EXOC4: variants seen among roughly 807,000 people sequenced by gnomAD.
EXOC4 encodes the protein exocyst complex component 4, also known as SEC8-like 1.
In EXOC4, 71 loss-of-function variants were observed where a neutral mutation model predicts 107.2. The observed-to-expected ratio is 0.66, with a 90% CI of 0.55 to 0.81. The LOEUF is 0.81. EXOC4 is among the 30% of genes least tolerant of loss of function. The pLI, the probability that EXOC4 is intolerant of heterozygous loss-of-function variation, is 0.00. For synonymous variants in EXOC4, 456 were observed against 441.2 expected, an observed-to-expected ratio of 1.03 and a Z score of -0.42; for missense variants, 1,108 against 1,189.6, an observed-to-expected ratio of 0.93 and a Z score of 1.01.
At position 133,815,633 on chromosome 7, in the gene EXOC4, A is replaced by AT. The variant is rs543532432; in HGVS notation, c.1515-1688dup. Reference sequence around the variant, plus strand: ...TTCTGAGTTTGGCTCGGTTGCCAGCATTTTATCCTTTATTTTTTCTGTGTT... The same window carrying AT: ...TTCTGAGTTTGGCTCGGTTGCCAGCATTTTTATCCTTTATTTTTTCTGTGTT... On this transcript the variant is annotated intron_variant, in intron 10 of 17. Transcript: ENST00000253861. Among the ~76,000 whole-genome samples the AT allele has an allele frequency of 2.2e-4, 34 of 152,206 alleles. No individual in the cohort carries two copies. In the South Asian group the frequency reaches 6.8e-3, roughly 31 times the overall value.
At chr7:134,067,332 T>C (rs1796196062), downstream of EXOC4, among the ~76,000 whole-genome samples, 1 of 151,998 alleles carries the variant, frequency 6.6e-6, no homozygotes. Context: ...GGAGGGGTCC[T>C]GAGATGGGAA....
At chr7:133,652,911 T>C (rs977938419) in intron 10 of EXOC4, among the ~76,000 whole-genome samples, 1 of 152,220 alleles carries the variant, frequency 6.6e-6, no homozygotes, top group African/African-American at 2.4e-5. Flanking sequence ...GGACTTAAAA[T>C]ATCAGCCTGC....
chr7:133,736,759 C>T (rs1296961760), intron 10 of EXOC4, among the ~76,000 whole-genome samples: 2 of 152,242 alleles, frequency 1.3e-5, no homozygotes, highest in East Asian at 3.9e-4. Context: ...GGTAGTTGTT[C>T]TAATCTATGT....
chr7:133,302,408 C>G (rs1186636160), intron 3 of EXOC4, among the ~76,000 whole-genome samples: 1 of 152,114 alleles, frequency 6.6e-6, no homozygotes, highest in Non-Finnish European at 1.5e-5. Context: ...GTAGTCATAT[C>G]TGTTTTCCTC....
At chr7:133,398,757 C>G (rs1278435860) in intron 7 of EXOC4, among the ~76,000 whole-genome samples, 2 of 152,140 alleles carry the variant, frequency 1.3e-5, no homozygotes, top group Non-Finnish European at 2.9e-5. Flanking sequence ...AACTCGATTA[C>G]TTTTAGTTCC....
chr7:133,325,677 A>G (rs1446394394), intron 5 of EXOC4, among the ~76,000 whole-genome samples: 1 of 151,996 alleles, frequency 6.6e-6, no homozygotes, highest in Admixed American at 6.6e-5. Flanking sequence ...GGTGAATCTG[A>G]CAATTATTTG....
chr7:133,747,988 C>G (rs1585119316), intron 10 of EXOC4, among the ~76,000 whole-genome samples: 2 of 152,110 alleles, frequency 1.3e-5, no homozygotes, highest in East Asian at 3.9e-4. Flanking sequence ...GCTTTTTGCT[C>G]CCTGTCTCAT....
intron 14 of EXOC4, among the ~76,000 whole-genome samples, chr7:133,977,111 C>T (rs1233021117): frequency 6.6e-6 from 1 of 152,206 alleles, no homozygotes; most frequent in Non-Finnish European, 1.5e-5. Context: ...TTGGAAGATA[C>T]ATTCAGTCTT....
At chr7:133,942,796 A>G (rs1747737624) in intron 14 of EXOC4, among the ~76,000 whole-genome samples, 1 of 152,136 alleles carries the variant, frequency 6.6e-6, no homozygotes, top group Non-Finnish European at 1.5e-5. Context: ...GTCATTTCTG[A>G]TCATTTTCTT....
chr7:133,342,112 TTG>T (rs1342188375), intron 5 of EXOC4, among the ~76,000 whole-genome samples: 1 of 151,980 alleles, frequency 6.6e-6, no homozygotes, highest in Non-Finnish European at 1.5e-5. Flanking sequence ...TTTTTTTTCA[TTG>T]TGTTATTGTT....
At chr7:133,832,576 C>T (rs1797832863) in intron 11 of EXOC4, among the ~76,000 whole-genome samples, 1 of 152,190 alleles carries the variant, frequency 6.6e-6, no homozygotes, top group Non-Finnish European at 1.5e-5. Flanking sequence ...TTCAGACTGG[C>T]TTCTTACACT....
At chr7:133,440,484 A>G (rs571125183) in intron 7 of EXOC4, among the ~76,000 whole-genome samples, 1 of 152,294 alleles carries the variant, frequency 6.6e-6, no homozygotes, top group Admixed American at 6.5e-5. Context: ...CATTTGAACC[A>G]GAGCAACTCC....
chr7:133,259,412 A>T (rs1795091793), intron 1 of EXOC4, among the ~76,000 whole-genome samples: 1 of 151,844 alleles, frequency 6.6e-6, no homozygotes, highest in South Asian at 2.1e-4. Context: ...TTTTTAGTAG[A>T]GACAGGGTTT....
intron 1 of EXOC4, among the ~76,000 whole-genome samples, chr7:133,260,270 G>GTT (rs34596811): frequency 7.7e-5 from 11 of 143,152 alleles, no homozygotes; most frequent in African/African-American, 1.8e-4. Flanking sequence ...CCCTTTAACT[G>GTT]TTTTTTTTTT....
At chr7:133,834,722 A>G (rs1273558140) in intron 11 of EXOC4, among the ~76,000 whole-genome samples, 1 of 152,228 alleles carries the variant, frequency 6.6e-6, no homozygotes, top group African/African-American at 2.4e-5. Context: ...TGTAAACAGC[A>G]AGTGATAGAA....
chr7:133,649,266 GA>G, intron 10 of EXOC4, among the ~76,000 whole-genome samples: 1 of 152,144 alleles, frequency 6.6e-6, no homozygotes, highest in Admixed American at 6.6e-5. Flanking sequence ...AAACATGCCT[GA>G]AGCTTCATTA....
At chr7:134,057,621 C>A (rs1795961647) in intron 17 of EXOC4, among the ~76,000 whole-genome samples, 1 of 152,110 alleles carries the variant, frequency 6.6e-6, no homozygotes, top group South Asian at 2.1e-4. Flanking sequence ...GGATTACCAT[C>A]CATTTTATTA....
At chr7:133,268,723 G>C (rs1446528317) in intron 1 of EXOC4, among the ~76,000 whole-genome samples, 1 of 152,102 alleles carries the variant, frequency 6.6e-6, no homozygotes, top group Non-Finnish European at 1.5e-5. Context: ...GGACTCACTT[G>C]GAGCTCATGG....
At chr7:134,086,883 C>T in the EXOC4 span, among the ~76,000 whole-genome samples, 1 of 152,072 alleles carries the variant, frequency 6.6e-6, no homozygotes, top group Non-Finnish European at 1.5e-5. Context: ...CTTTTTAGAC[C>T]ATATAGGGGA....
Sources: gnomAD v4.1 joint callset for allele counts (sites outside exome capture counted in the v4.1 genomes callset) on GRCh38, gnomAD v4.1.1 for gene constraint, MANE v1.5 for transcripts, NCBI Gene and HGNC (gene_info 2026-07-23, HGNC 2026-07-21) for gene names.